PTPRD: variants seen among roughly 807,000 people sequenced by gnomAD.
PTPRD encodes the protein receptor-type tyrosine-protein phosphatase delta.
A neutral mutation model predicts 214.5 loss-of-function variants in PTPRD; 34 were observed. That is an observed-to-expected ratio of 0.16 (90% CI 0.12 to 0.21). The LOEUF is 0.21. Among genes scored for constraint, PTPRD ranks in the 10% least tolerant of loss-of-function variants. The pLI is 1.00. For synonymous variants in PTPRD, 1,128 were observed against 845.7 expected (o/e 1.33, Z -5.79); for missense variants, 2,545 against 2,398.7 (o/e 1.06, Z -1.27).
intron 5 of PTPRD, among the ~76,000 whole-genome samples, chr9:9,789,937 C>A (rs569872928): frequency 6.6e-6 from 1 of 151,494 alleles, no homozygotes; most frequent in East Asian, 1.9e-4. Context: ...ATATTCAGGT[C>A]TTCAAAAACA....
chr9:10,156,091 TG>T (rs1177836685), intron 3 of PTPRD, among the ~76,000 whole-genome samples: 7 of 143,866 alleles, frequency 4.9e-5, no homozygotes, highest in Admixed American at 4.2e-4. Flanking sequence ...TGTGTGTGTG[TG>T]TGTGTGTGTG....
intron 3 of PTPRD, among the ~76,000 whole-genome samples, chr9:10,254,771 T>A (rs1013553743): frequency 2.6e-5 from 4 of 152,160 alleles, no homozygotes; most frequent in Admixed American, 2.0e-4. Context: ...TCACAAAGAC[T>A]CAAATGTGGA....
intron 5 of PTPRD, among the ~76,000 whole-genome samples, chr9:9,781,569 T>C (rs957222644): frequency 6.6e-6 from 1 of 152,174 alleles, no homozygotes; most frequent in Non-Finnish European, 1.5e-5. Flanking sequence ...TGAAGGCATG[T>C]AACACAGGAA....
In PTPRD at chr9:9,364,061, T is replaced by C. The variant is rs571428866; in HGVS notation, c.-203+33388A>G. Among the ~76,000 whole-genome samples the C allele has an allele frequency of 3.3e-5, 5 of 151,532 alleles. No individual in the cohort carries two copies. The South Asian group carries it at 6.2e-4, about 19-fold the overall frequency. On this transcript the variant is annotated intron_variant, in intron 9 of 45. Coordinates refer to ENST00000381196, the MANE Select transcript of PTPRD (RefSeq NM_002839.4). Reference sequence around the variant, plus strand: ...TATAATACTTTACATATTTACATTATCAGTATTGTTTACCAATATTTTCAT... The same window carrying C: ...TATAATACTTTACATATTTACATTACCAGTATTGTTTACCAATATTTTCAT...
chr9:9,856,372 T>G (rs185821588), intron 5 of PTPRD, among the ~76,000 whole-genome samples: 5 of 152,216 alleles, frequency 3.3e-5, no homozygotes, highest in Admixed American at 3.3e-4. Context: ...CTCAGGGTTT[T>G]TGGCTTGAGG....
At chr9:8,629,807 T>A (rs1439873437) in intron 14 of PTPRD, among the ~76,000 whole-genome samples, 1 of 151,794 alleles carries the variant, frequency 6.6e-6, no homozygotes, top group Non-Finnish European at 1.5e-5. Flanking sequence ...CCTACTTCTT[T>A]CGTGAACCAC....
At chr9:10,188,048 AT>A (rs1458142005) in intron 3 of PTPRD, among the ~76,000 whole-genome samples, 1 of 151,996 alleles carries the variant, frequency 6.6e-6, no homozygotes, top group African/African-American at 2.4e-5. Context: ...TTAATACACC[AT>A]TTCTTCTCAT....
intron 4 of PTPRD, among the ~76,000 whole-genome samples, chr9:10,019,996 C>A (rs144779906): frequency 6.6e-6 from 1 of 151,978 alleles, no homozygotes; most frequent in East Asian, 1.9e-4. Flanking sequence ...TGTATATAAA[C>A]GGTTTATTAC....
rs146118789 is a variant in PTPRD at position 8,607,825 on chromosome 9, G to T, written c.352+25492C>A. Among the ~76,000 whole-genome samples, 10 of 152,158 alleles carry T rather than the reference G, an allele frequency of 6.6e-5. No individual in the cohort carries two copies. The East Asian group carries it at 1.7e-3, about 27-fold the overall frequency. Reference sequence around the variant, plus strand: ...AATATTTATTTTATTACAGTTTATTGCAAATCTAGGATATATAATTTTAAG... The same window carrying T: ...AATATTTATTTTATTACAGTTTATTTCAAATCTAGGATATATAATTTTAAG... On this transcript the variant is annotated intron_variant, in intron 14 of 45. Transcript: ENST00000381196.
intron 11 of PTPRD, among the ~76,000 whole-genome samples, chr9:8,746,873 T>C (rs969092297): frequency 1.3e-5 from 2 of 152,092 alleles, no homozygotes; most frequent in African/African-American, 2.4e-5. Context: ...GGGTCTCACA[T>C]AGGCCTTTTG....
chr9:10,171,563 C>T (rs940374365), intron 3 of PTPRD, among the ~76,000 whole-genome samples: 3 of 152,178 alleles, frequency 2.0e-5, no homozygotes, highest in South Asian at 2.1e-4. Context: ...CTCGCTCTGT[C>T]TCCCAGCCTG....
intron 5 of PTPRD, among the ~76,000 whole-genome samples, chr9:9,900,641 G>GTTTTTTTTTTTTGTTTTTTT (rs1555302235): frequency 8.3e-6 from 1 of 120,086 alleles, no homozygotes; most frequent in African/African-American, 3.1e-5. Flanking sequence ...ACATTTTCAG[G>GTTTTTTTTTTTTGTTTTTTT]TTTTTTTTTT....
At chr9:9,753,188 A>T (rs1388699914) in intron 6 of PTPRD, among the ~76,000 whole-genome samples, 1 of 152,074 alleles carries the variant, frequency 6.6e-6, no homozygotes, top group Non-Finnish European at 1.5e-5. Context: ...CCCCAAGGAC[A>T]TCACTACTGT....
chr9:9,989,052 A>G (rs1451399653), intron 4 of PTPRD, among the ~76,000 whole-genome samples: 2 of 149,024 alleles, frequency 1.3e-5, no homozygotes, highest in Admixed American at 6.8e-5. Context: ...AAAACCACAG[A>G]CTTTACACAG....
intron 3 of PTPRD, among the ~76,000 whole-genome samples, chr9:10,165,790 G>A (rs2099155456): frequency 6.6e-6 from 1 of 150,788 alleles, no homozygotes; most frequent in African/African-American, 2.4e-5. Flanking sequence ...AAACCATACT[G>A]TAAATAATTA....
chr9:8,487,031 C>T (rs1473155957), intron 27 of PTPRD, among the ~76,000 whole-genome samples: 1 of 152,076 alleles, frequency 6.6e-6, no homozygotes, highest in Non-Finnish European at 1.5e-5. Context: ...ATCGTATTGA[C>T]TTACTATGAA....
intron 10 of PTPRD, among the ~76,000 whole-genome samples, chr9:9,078,540 C>G (rs1591200538): frequency 6.6e-6 from 1 of 152,028 alleles, no homozygotes; most frequent in Admixed American, 6.6e-5. Flanking sequence ...GAAAGAAATA[C>G]TTGGCTCATG....
intron 9 of PTPRD, among the ~76,000 whole-genome samples, chr9:9,297,080 C>G (rs1249183035): frequency 6.6e-6 from 1 of 151,644 alleles, no homozygotes; most frequent in Non-Finnish European, 1.5e-5. Flanking sequence ...ATGTTCATAG[C>G]TACTTCTGGC....
At chr9:8,531,089 G>C (rs1231486776) in intron 14 of PTPRD, among the ~76,000 whole-genome samples, 1 of 152,034 alleles carries the variant, frequency 6.6e-6, no homozygotes, top group African/African-American at 2.4e-5. Flanking sequence ...TAAGTTGAAA[G>C]ATGTGGCTCA....
Sources: allele counts gnomAD v4.1 joint callset (sites outside exome capture counted in the v4.1 genomes callset), GRCh38; gene constraint gnomAD v4.1.1; transcripts MANE v1.5; gene names NCBI Gene and HGNC (gene_info 2026-07-23, HGNC 2026-07-21).